Variants in LRP1B observed in about 807,000 individuals in gnomAD.
LRP1B encodes the protein low-density lipoprotein receptor-related protein 1B.
In LRP1B, 217 loss-of-function variants were observed where a neutral mutation model predicts 556.6. That is an observed-to-expected ratio of 0.39 (90% CI 0.35 to 0.44). The LOEUF (loss-of-function observed/expected upper bound fraction) is 0.44. Ranked by LOEUF, LRP1B falls within the 20% of genes least tolerant of loss-of-function variation. LRP1B has a pLI of 1.00. For missense variants in LRP1B, 5,053 were observed against 5,620.8 expected (o/e 0.90, Z 3.23); for synonymous variants, 2,047 against 1,865.8 (o/e 1.10, Z -2.50).
intron 25 of LRP1B, among the ~76,000 whole-genome samples, chr2:140,868,577 A>T (rs1693025730): frequency 6.6e-6 from 1 of 152,174 alleles, no homozygotes; most frequent in South Asian, 2.1e-4. Flanking sequence ...CTAAAACTGA[A>T]GAATGAGGAG....
intron 1 of LRP1B, among the ~76,000 whole-genome samples, chr2:141,997,263 C>T (rs190573565): frequency 2.1e-4 from 32 of 151,908 alleles, no homozygotes; most frequent in African/African-American, 6.5e-4. Context: ...ATTTGTGTTA[C>T]GTTTCAAATA....
chr2:140,711,481 T>C (rs1268234849), intron 37 of LRP1B, among the ~76,000 whole-genome samples: 3 of 152,086 alleles, frequency 2.0e-5, no homozygotes. Context: ...ACCGCCTGAT[T>C]GGTAACTCAA....
At chr2:141,471,268 A>ATGTTTTT (rs1553518973) in intron 3 of LRP1B, among the ~76,000 whole-genome samples, 15 of 31,890 alleles carry the variant, frequency 4.7e-4, no homozygotes, top group East Asian at 7.8e-3. Flanking sequence ...ATACCCTGGT[A>ATGTTTTT]TTTTTTTTTT....
chr2:140,730,212 A>C (rs1687730001), intron 35 of LRP1B, among the ~76,000 whole-genome samples: 2 of 152,190 alleles, frequency 1.3e-5, no homozygotes, highest in Admixed American at 6.5e-5. Context: ...GCCTTCCTTT[A>C]ATTTTATTTA....
chr2:140,788,804 ATTTGG>A (rs1690002962), intron 32 of LRP1B, among the ~76,000 whole-genome samples: 1 of 152,156 alleles, frequency 6.6e-6, no homozygotes, highest in African/African-American at 2.4e-5. Flanking sequence ...GTGTGACTGT[ATTTGG>A]AGATTGAGTC....
intron 6 of LRP1B, among the ~76,000 whole-genome samples, chr2:141,209,911 C>CA (rs1007456085): frequency 2.0e-5 from 3 of 151,660 alleles, no homozygotes; most frequent in Non-Finnish European, 2.9e-5. Flanking sequence ...AGCAATTATG[C>CA]AAAAAAGTGT....
chr2:141,639,365 T>C (rs58571628), intron 2 of LRP1B, among the ~76,000 whole-genome samples: 29,853 of 58,070 alleles, frequency 0.51, 5,898 homozygotes, highest in African/African-American at 0.58. Context: ...CACACACACA[T>C]ATATATATAT....
At chr2:141,054,182 C>T (rs188402500) in intron 10 of LRP1B, among the ~76,000 whole-genome samples, 39 of 152,132 alleles carry the variant, frequency 2.6e-4, no homozygotes, top group African/African-American at 7.9e-4. Flanking sequence ...TCTAATTTCA[C>T]AGTCCTTAGT....
intron 43 of LRP1B, among the ~76,000 whole-genome samples, chr2:140,579,158 C>T (rs1681658422): frequency 6.6e-6 from 1 of 152,108 alleles, no homozygotes. Context: ...TTCGGGAGAA[C>T]AAAATTTCCT....
intron 3 of LRP1B, among the ~76,000 whole-genome samples, chr2:141,274,305 A>G (rs938798827): frequency 6.6e-6 from 1 of 152,210 alleles, no homozygotes; most frequent in Non-Finnish European, 1.5e-5. Context: ...ACAATTCAAG[A>G]ATCTTTCAAT....
intron 2 of LRP1B, among the ~76,000 whole-genome samples, chr2:141,791,179 C>A (rs1005133111): frequency 6.6e-6 from 1 of 151,586 alleles, no homozygotes; most frequent in Admixed American, 6.6e-5. Context: ...GTGTCTTAAA[C>A]AAAAAACTTA....
chr2:141,266,323 C>CAAA (rs34877238), intron 3 of LRP1B, among the ~76,000 whole-genome samples: 34 of 73,296 alleles, frequency 4.6e-4, no homozygotes, highest in Admixed American at 2.4e-3. Flanking sequence ...GACTCTGTTT[C>CAAA]AAAAAAAAAA....
chr2:141,291,232 C>CTTT (rs1466905859), intron 3 of LRP1B, among the ~76,000 whole-genome samples: 5 of 152,024 alleles, frequency 3.3e-5, no homozygotes, highest in Non-Finnish European at 7.4e-5. Context: ...AAATATCTTA[C>CTTT]TTTTGTGAGA....
chr2:141,827,045 C>T (rs1423225923), intron 1 of LRP1B, among the ~76,000 whole-genome samples: 2 of 152,162 alleles, frequency 1.3e-5, no homozygotes, highest in African/African-American at 2.4e-5. Context: ...CTATGAGACC[C>T]AACCATCCTT....
intron 7 of LRP1B, among the ~76,000 whole-genome samples, chr2:141,077,413 T>C (rs1699815484): frequency 6.6e-6 from 1 of 152,228 alleles, no homozygotes; most frequent in African/African-American, 2.4e-5. Flanking sequence ...GTAAAGGTCT[T>C]AGATTATTGT....
intron 11 of LRP1B, among the ~76,000 whole-genome samples, chr2:141,024,506 T>C (rs918076065): frequency 6.6e-6 from 1 of 152,030 alleles, no homozygotes; most frequent in Non-Finnish European, 1.5e-5. Context: ...ATCATCACTC[T>C]ATGACATTCA....
chr2:141,980,878 C>T (rs770731738), intron 1 of LRP1B, among the ~76,000 whole-genome samples: 24 of 151,970 alleles, frequency 1.6e-4, no homozygotes, highest in Non-Finnish European at 3.2e-4. Flanking sequence ...TTTCACTTGT[C>T]TCTGAACCTG....
chr2:141,989,559 G>A (rs1422206561), intron 1 of LRP1B, among the ~76,000 whole-genome samples: 2 of 151,894 alleles, frequency 1.3e-5, no homozygotes, highest in East Asian at 3.9e-4. Context: ...GGTATGGTTT[G>A]GTATGGTTGG....
At chr2:141,787,742 A>G (rs1049884268) in intron 2 of LRP1B, among the ~76,000 whole-genome samples, 1 of 152,050 alleles carries the variant, frequency 6.6e-6, no homozygotes, top group Non-Finnish European at 1.5e-5. Context: ...CAATAAAATT[A>G]ACTTCTTAAA....
Sources: gnomAD v4.1 joint callset for allele counts (sites outside exome capture counted in the v4.1 genomes callset) on GRCh38, gnomAD v4.1.1 for gene constraint, MANE v1.5 for transcripts, NCBI Gene and HGNC (gene_info 2026-07-23, HGNC 2026-07-21) for gene names.